Variants in HERC2 observed in about 807,000 individuals in gnomAD.
The protein encoded by HERC2 is E3 ubiquitin-protein ligase HERC2.
Under a neutral mutation model 537.7 loss-of-function variants are expected in HERC2, and 102 were observed. The observed-to-expected ratio is 0.19, with a 90% CI of 0.16 to 0.22. HERC2 has a LOEUF of 0.22. HERC2 is among the 10% of genes least tolerant of loss of function. The pLI, the probability that HERC2 is intolerant of heterozygous loss-of-function variation, is 1.00. For missense variants in HERC2, 4,236 were observed against 6,198.2 expected (o/e 0.68, Z 10.63); for synonymous variants, 2,224 against 2,466.2 (o/e 0.90, Z 2.91).
At chr15:28,230,876 CTTTA>C (rs1025088349) in intron 30 of HERC2, among the ~76,000 whole-genome samples, 10 of 151,884 alleles carry the variant, frequency 6.6e-5, no homozygotes, top group African/African-American at 2.2e-4. Flanking sequence ...TCCTGTAAAA[CTTTA>C]TTTATGGTGC....
rs2525974 is a variant in HERC2 at position 28,239,480 on chromosome 15, C to G, written c.3578-708G>C. 1.0e-2 allele frequency among the ~76,000 whole-genome samples: 1,484 copies of G among 149,136 alleles called. 25 individuals carry two copies. Among genetic ancestry groups the G allele is most frequent in the African/African-American group, 0.032 (1,292 of 40,190 alleles). ...GAAGTCAAGCTTAGATTATGTCCTTCCTGTACAAATTGTACCTCCTGCTAA... is the reference window on the plus strand; with the variant it reads ...GAAGTCAAGCTTAGATTATGTCCTTGCTGTACAAATTGTACCTCCTGCTAA... On this transcript the variant is annotated intron_variant, in intron 23 of 92. Transcript: ENST00000261609.
In HERC2 at chr15:28,238,154, C is replaced by T. The variant is rs773386399; in HGVS notation, c.3812G>A (p.Arg1271Gln). The change falls in exon 25 of 93, where the codon CGG becomes CAG. Residue 1271 changes from arginine (R) to glutamine (Q), a missense_variant. Arg to Gln is a conservative substitution (Grantham distance 43). Around this residue, in one of 27 missense-constraint regions of HERC2, gnomAD observed 754 missense variants for 1,085.0 expected, o/e 0.69. Coordinates refer to ENST00000261609, the MANE Select transcript of HERC2 (RefSeq NM_004667.6). Reference sequence around the variant, plus strand: ...AACACAAAACGCGTGCATGGATTCCCGGGTGTCTTCAAACTGCAAAGCAGC... The same window carrying T: ...AACACAAAACGCGTGCATGGATTCCTGGGTGTCTTCAAACTGCAAAGCAGC... ...LEAALQFEDT[R>Q]ESMHAFCVGQ... is the part of the protein sequence containing the mutation. The T allele has an allele frequency of 4.0e-5, 65 of 1,611,828 alleles. No individual in the cohort carries two copies. The highest frequency in any genetic ancestry group is 5.3e-5 in the Non-Finnish European group (63 of 1,179,814).
rs58617687 is a variant in HERC2 at position 28,133,139 on chromosome 15, T to TA, written c.12231-310dup. On this transcript the variant is annotated intron_variant, in intron 79 of 92. Coordinates refer to ENST00000261609, the MANE Select transcript of HERC2 (RefSeq NM_004667.6). The stretch of plus-strand genomic sequence containing the variant: ...AACAGGTTTTACATTTTAACGGGTT[T>TA]AAAAAAAAAAAAAAAGAATCATATG... 6.5e-3 allele frequency among the ~76,000 whole-genome samples: 901 copies of TA among 139,168 alleles called. 3 individuals carry two copies. Among genetic ancestry groups the TA allele is most frequent in the African/African-American group, 0.02 (767 of 38,098 alleles). The allele number at this position is 139,168 out of a possible 152,430, so 91.3% of individuals were successfully genotyped here. A position where few individuals can be genotyped will look rare whatever the true frequency, so the allele number is the denominator to read the frequency against.
intron 2 of HERC2, 88 bp from the exon 3 acceptor site, chr15:28,299,604 C>A: frequency 2.9e-6 from 2 of 689,104 alleles, no homozygotes; most frequent in South Asian, 1.8e-5. Flanking sequence ...AATCTCAATC[C>A]CCCTTATGTA....
At chr15:28,139,365 C>A (rs1221666196) in intron 78 of HERC2, among the ~76,000 whole-genome samples, 1 of 152,208 alleles carries the variant, frequency 6.6e-6, no homozygotes. Flanking sequence ...TCAGCTGCCA[C>A]CCTGTGAGAC....
At chr15:28,220,844 G>A (rs1156918682) in intron 36 of HERC2, among the ~76,000 whole-genome samples, 200 bp from the exon 37 acceptor site, 9 of 138,070 alleles carry the variant, frequency 6.5e-5, no homozygotes, top group African/African-American at 2.3e-4. Flanking sequence ...AGGAGGGTGC[G>A]TGCCCTGCCC....
intron 57 of HERC2, 147 bp downstream of exon 57, chr15:28,182,254 C>T (rs565823617): frequency 2.5e-5 from 13 of 516,210 alleles, no homozygotes; most frequent in East Asian, 2.0e-4. Context: ...CAAGGAGAGA[C>T]GCTTCTGAGG....
Position 28,265,479 on chromosome 15 carries a change from C to A in HERC2, c.1870+139G>T. 1.5e-6 allele frequency: 1 copy of A among 666,042 alleles called. No homozygotes were observed. 41.3% of individuals were successfully genotyped at this position (666,042 alleles called of 1,614,324 possible). A position where few individuals can be genotyped will look rare whatever the true frequency, so the allele number is the denominator to read the frequency against. On this transcript the variant is annotated intron_variant, in intron 14 of 92. Transcript: ENST00000261609. This position sits in a 1 kb window ranked among gnomAD's most constrained non-coding sequence, Gnocchi z 4.0. ...CCAGTAACCACCCGGGCCTCTTCCC[C>A]AATGCCACTGAGCCCCACACCCACT...
chr15:28,271,083 T>C (rs150809483), intron 9 of HERC2, among the ~76,000 whole-genome samples: 263 of 152,264 alleles, frequency 1.7e-3, no homozygotes, highest in Admixed American at 4.2e-3. Context: ...ATACACAACA[T>C]TGACTGCGCA....
intron 65 of HERC2, among the ~76,000 whole-genome samples, chr15:28,173,626 C>A (rs540371265): frequency 1.3e-3 from 199 of 151,912 alleles, no homozygotes; most frequent in Non-Finnish European, 2.4e-3. Context: ...TGGCAAAACC[C>A]TCTCTCCACC....
At chr15:28,170,153 A>G (rs973680815) in intron 65 of HERC2, among the ~76,000 whole-genome samples, 10 of 152,252 alleles carry the variant, frequency 6.6e-5, no homozygotes, top group African/African-American at 2.4e-4. Context: ...GATTTAATGC[A>G]ATTCCCACCA....
chr15:28,124,908 T>C, intron 84 of HERC2, 98 bp downstream of exon 84: 1 of 1,216,996 alleles, frequency 8.2e-7, no homozygotes. Flanking sequence ...TGAATTATTT[T>C]CACCAAGAAG....
At chr15:28,130,105 A>G in intron 83 of HERC2, 58 bp downstream of exon 83, 1 of 1,601,120 alleles carries the variant, frequency 6.2e-7, no homozygotes, top group African/African-American at 1.3e-5. Context: ...CATGTCCTTC[A>G]TGCTCAACCC....
Position 28,228,366 on chromosome 15 carries a change from C to G in HERC2, c.5316G>C (p.Pro1772=), listed in dbSNP as rs377042626. 7 of 1,612,064 alleles carry G rather than the reference C, an allele frequency of 4.3e-6. No individual in the cohort carries two copies. Among genetic ancestry groups the G allele is most frequent in the South Asian group, 1.1e-5 (1 of 90,986 alleles). The change falls in exon 35 of 93, where the codon CCG becomes CCC. Residue 1772 remains proline (P), a synonymous_variant. Transcript: ENST00000261609. ...VPLQTITNEN[P]SGPSLGTIPQ... is the part of the protein sequence containing the mutation. ...GGATGGTCCCCAGGCTCGGTCCTGA[C>G]GGGTTCTCATTGGTGATGGTTTGCA... is the stretch of plus-strand genomic sequence containing the variant.
intron 50 of HERC2, among the ~76,000 whole-genome samples, chr15:28,197,746 A>G (rs1422908517): frequency 2.6e-5 from 4 of 152,172 alleles, no homozygotes; most frequent in Non-Finnish European, 5.9e-5. Flanking sequence ...GGAGAAAGAA[A>G]AAGCAGTCCT....
At position 28,218,535 on chromosome 15, in the gene HERC2, G is replaced by A. The variant is rs376870436; in HGVS notation, c.5982C>T (p.Cys1994=). Residue 1994 remains cysteine, a synonymous_variant, in exon 38 of 93, where the codon TGC becomes TGT. Coordinates refer to ENST00000261609, the MANE Select transcript of HERC2 (RefSeq NM_004667.6). The stretch of plus-strand genomic sequence containing the variant: ...TTTCCACTAACATTCGCAGCAGTCC[G>A]CATAAAGTCTTGGTGGCTTCGCTCT... ...IMQSEATKTL[C]GLLRMLVESG... is the part of the protein sequence containing the mutation. 21 of 1,597,212 alleles carry A rather than the reference G, an allele frequency of 1.3e-5. No individual in the cohort carries two copies. The highest frequency in any genetic ancestry group is 5.4e-5 in the African/African-American group (4 of 74,580).
Position 28,192,058 on chromosome 15 carries a change from A to G in HERC2, c.8354T>C (p.Met2785Thr). 6.2e-7 allele frequency: 1 copy of G among 1,614,050 alleles called. No homozygotes were observed. The highest frequency in any genetic ancestry group is 8.5e-7 in the Non-Finnish European group (1 of 1,180,002). ...GGACGACACATTCAGGCTCTTCACCATGCGGGACCAGCTGTCCAGCAGCAT... is the reference window on the plus strand; with the variant it reads ...GGACGACACATTCAGGCTCTTCACCGTGCGGGACCAGCTGTCCAGCAGCAT... ...PGMLLDSWSR[M>T]VKSLNVSSSV... The change falls in exon 53 of 93, where the codon ATG becomes ACG. Residue 2785 changes from methionine (M) to threonine (T), a missense_variant. Physicochemically the swap from Met to Thr is moderately conservative, Grantham distance 81 (BLOSUM62 -1). Around this residue, in one of 27 missense-constraint regions of HERC2, gnomAD observed 606 missense variants for 884.5 expected, o/e 0.69. Coordinates refer to ENST00000261609, the MANE Select transcript of HERC2 (RefSeq NM_004667.6).
Position 28,111,596 on chromosome 15 carries a change from C to T in HERC2, c.*167G>A. On this transcript the variant is annotated 3_prime_UTR_variant, in exon 93 of 93. Coordinates refer to ENST00000261609, the MANE Select transcript of HERC2 (RefSeq NM_004667.6). The stretch of plus-strand genomic sequence containing the variant: ...TGTTCCACGCGCACAGGCGGACCTT[C>T]TCACTGTCATTCCCATCACGGCCAG... 1 of 685,342 alleles carries T rather than the reference C, an allele frequency of 1.5e-6. No homozygotes were observed. The highest frequency in any genetic ancestry group is 2.9e-5 in the Admixed American group (1 of 34,710). The allele number at this position is 685,342 out of a possible 1,614,324, so 42.5% of individuals were successfully genotyped here. A position where few individuals can be genotyped will look rare whatever the true frequency, so the allele number is the denominator to read the frequency against.
At position 28,292,913 on chromosome 15, in the gene HERC2, G is replaced by T; in HGVS notation, c.297C>A (p.Asp99Glu). 1 of 1,611,012 alleles carries T rather than the reference G, an allele frequency of 6.2e-7. No individual in the cohort carries two copies. The highest frequency in any genetic ancestry group is 8.5e-7 in the Non-Finnish European group (1 of 1,179,722). The change falls in exon 4 of 93, where the codon GAC becomes GAA. Residue 99 changes from aspartate to glutamate, a missense_variant. Physicochemically the swap from Asp to Glu is conservative, Grantham distance 45 (BLOSUM62 2). Transcript: ENST00000261609. ...APIYRAKSIL[D>E]SWVWGKQPDV... ...CTGGTTGCTTGCCCCATACCCAGCTGTCCAGAATTGACTTGGCCCTATATA... is the reference window on the plus strand; with the variant it reads ...CTGGTTGCTTGCCCCATACCCAGCTTTCCAGAATTGACTTGGCCCTATATA...
Sources: gnomAD v4.1 joint callset for allele counts (sites outside exome capture counted in the v4.1 genomes callset) on GRCh38, gnomAD v4.1.1 for gene constraint, gnomAD v4.1.1 regional missense constraint, Gnocchi (gnomAD v3.1) non-coding constraint, MANE v1.5 for transcripts, NCBI Gene and HGNC (gene_info 2026-07-23, HGNC 2026-07-21) for gene names.